Variants in CHODL observed in about 807,000 individuals in gnomAD.
The protein encoded by CHODL is chondrolectin.
CHODL carries 29 observed loss-of-function variants against 34.5 expected under a neutral mutation model. The observed-to-expected ratio is 0.84, with a 90% confidence interval of 0.63 to 1.15. CHODL has a LOEUF of 1.15. CHODL is among the 50% of genes most tolerant of loss of function. CHODL has a pLI of 0.00. For missense variants in CHODL, 332 were observed against 332.5 expected, an observed-to-expected ratio of 1.00 and a Z score of 0.01; for synonymous variants, 125 against 116.1, an observed-to-expected ratio of 1.08 and a Z score of -0.49.
At chr21:18,005,295 A>G (rs568664639) in intron 1 of CHODL, among the ~76,000 whole-genome samples, 1 of 152,376 alleles carries the variant, frequency 6.6e-6, no homozygotes, top group African/African-American at 2.4e-5. Flanking sequence ...TAAGGCTGTT[A>G]CAACTATTAA....
chr21:18,167,227 GTGT>G (rs2073167733), intron 2 of CHODL, among the ~76,000 whole-genome samples: 3 of 149,812 alleles, frequency 2.0e-5, no homozygotes, highest in African/African-American at 7.4e-5. Context: ...GTGTGTGTGT[GTGT>G]GTGTGTGTGT....
At position 17,975,278 on chromosome 21, in the gene CHODL, A is replaced by C. The variant is rs369634508; in HGVS notation, c.-144-52594A>C. Among the ~76,000 whole-genome samples, 43 of 152,266 alleles carry C rather than the reference A, an allele frequency of 2.8e-4. 1 individual carries two copies. The highest frequency in any genetic ancestry group is 9.9e-4 in the African/African-American group (41 of 41,556). ...AGCTAAACACTGAGTACATATGGAC[A>C]CGTGTACTTGAGAGTGAAGGGCGGG... On this transcript the variant is annotated intron_variant, in intron 1 of 6. Coordinates refer to the CHODL transcript ENST00000400127.
At chr21:18,244,267 A>G (rs2074109651), upstream of CHODL, among the ~76,000 whole-genome samples, 1 of 152,220 alleles carries the variant, frequency 6.6e-6, no homozygotes, top group South Asian at 2.1e-4. Flanking sequence ...ACTGAGAGTG[A>G]AATCAGTTTC....
chr21:18,193,605 A>T (rs1340019926), intron 2 of CHODL, among the ~76,000 whole-genome samples: 2 of 151,584 alleles, frequency 1.3e-5, no homozygotes, highest in African/African-American at 4.8e-5. Context: ...CTGAGGCAGG[A>T]GATTTGTTTG....
intron 2 of CHODL, among the ~76,000 whole-genome samples, chr21:18,178,806 G>A (rs1415105973): frequency 1.3e-5 from 2 of 152,124 alleles, no homozygotes; most frequent in Non-Finnish European, 1.5e-5. Context: ...AATGGCCTGT[G>A]CAGTTCAAAT....
intron 5 of CHODL, among the ~76,000 whole-genome samples, chr21:18,264,554 A>T (rs1243693501): frequency 1.3e-5 from 2 of 148,850 alleles, no homozygotes; most frequent in African/African-American, 5.0e-5. Context: ...GTGAGCCGAG[A>T]TCAGGCCACT....
intron 2 of CHODL, among the ~76,000 whole-genome samples, chr21:18,107,199 A>G (rs2065284069): frequency 6.6e-6 from 1 of 152,168 alleles, no homozygotes; most frequent in Non-Finnish European, 1.5e-5. Context: ...GAAGTTTGAG[A>G]ATGATAATGA....
At chr21:18,195,558 G>C (rs1453009536) in intron 2 of CHODL, among the ~76,000 whole-genome samples, 2 of 152,124 alleles carry the variant, frequency 1.3e-5, no homozygotes, top group Non-Finnish European at 2.9e-5. Context: ...GGATCATGTG[G>C]TATTTGTCTT....
chr21:18,166,393 C>T (rs2073153963), intron 2 of CHODL, among the ~76,000 whole-genome samples: 1 of 152,062 alleles, frequency 6.6e-6, no homozygotes, highest in African/African-American at 2.4e-5. Context: ...ATACAAAATC[C>T]CTTTTGCCAT....
intron 2 of CHODL, among the ~76,000 whole-genome samples, chr21:18,234,238 G>T (rs954191149): frequency 6.6e-6 from 1 of 152,068 alleles, no homozygotes. Context: ...GATGTTTGCC[G>T]GATGAATGTA....
rs1352077622 is a variant in CHODL at position 18,167,207 on chromosome 21, CTCTCTG to C, written c.-44-89300_-44-89295del. 3.7e-4 allele frequency among the ~76,000 whole-genome samples: 44 copies of C among 118,684 alleles called. 1 individual carries two copies. The highest frequency in any genetic ancestry group is 8.9e-3 in the Middle Eastern group (2 of 224). The allele number at this position is 118,684 out of a possible 152,430, so 77.9% of individuals were successfully genotyped here. ...GTTATTTCACCATTCCCATTTCTCT[CTCTCTG>C]TGTGTGTGTGTGTGTGTGTGTGTGT... On this transcript the variant is annotated intron_variant, in intron 2 of 6. Coordinates refer to the CHODL transcript ENST00000400127.
rs150184683 is a variant in CHODL at position 18,162,931 on chromosome 21, A to G, written c.-44-93578A>G. On this transcript the variant is annotated intron_variant, in intron 2 of 6. Coordinates refer to the CHODL transcript ENST00000400127. ...GCTGGGACTGCAGGTGTACACCAAC[A>G]TGCTCAGTTCCATTCATTCATTTTG... Among the ~76,000 whole-genome samples the G allele has an allele frequency of 5.8e-4, 89 of 152,296 alleles. 1 individual carries two copies. In the East Asian group the frequency reaches 0.016, roughly 27 times the overall value.
intron 1 of CHODL, among the ~76,000 whole-genome samples, chr21:17,940,214 A>G (rs533115487): frequency 7.2e-5 from 11 of 152,344 alleles, no homozygotes; most frequent in Admixed American, 5.2e-4. Context: ...ACTGCAGCTC[A>G]TATCTATATT....
chr21:18,237,700 G>A (rs1460119292), intron 2 of CHODL, among the ~76,000 whole-genome samples: 1 of 152,056 alleles, frequency 6.6e-6, no homozygotes, highest in Non-Finnish European at 1.5e-5. Flanking sequence ...ATTCAGTTTT[G>A]GATAAATATT....
intron 1 of CHODL, among the ~76,000 whole-genome samples, chr21:17,924,422 C>T (rs974142949): frequency 1.3e-5 from 2 of 152,080 alleles, no homozygotes; most frequent in Non-Finnish European, 2.9e-5. Context: ...CCTTGGAGAC[C>T]GGAGAGAAAT....
intron 1 of CHODL, chr21:18,022,341 T>C (rs1421893832): frequency 6.6e-6 from 1 of 152,224 alleles, no homozygotes; most frequent in African/African-American, 2.4e-5. Flanking sequence ...TTCTGTCTCA[T>C]ATTTTCTTGT....
chr21:18,145,350 T>G (rs1229410919), intron 2 of CHODL, among the ~76,000 whole-genome samples: 1 of 131,890 alleles, frequency 7.6e-6, no homozygotes, highest in African/African-American at 3.0e-5. Context: ...GGCAGGAGAA[T>G]GGCGTGAACC....
chr21:18,236,821 CAGAT>C lies in CHODL; in HGVS notation c.-44-19682_-44-19679del, dbSNP rs1310142102. ...CTCAATGAAAATGTGCTTTTATTAA[CAGAT>C]AGATAAAATTTTATTTTGTGTTGTA... On this transcript the variant is annotated intron_variant, in intron 2 of 6. Transcript: ENST00000400127. 2.6e-5 allele frequency among the ~76,000 whole-genome samples: 4 copies of C among 152,118 alleles called. No individual in the cohort carries two copies. In the East Asian group the frequency reaches 7.7e-4, roughly 29 times the overall value.
At chr21:18,148,032 C>T (rs2072917590) in intron 2 of CHODL, among the ~76,000 whole-genome samples, 1 of 151,938 alleles carries the variant, frequency 6.6e-6, no homozygotes, top group African/African-American at 2.4e-5. Flanking sequence ...GGGAGAAGTC[C>T]ACATAAGGAA....
Sources: gnomAD v4.1 joint callset for allele counts (sites outside exome capture counted in the v4.1 genomes callset) on GRCh38, gnomAD v4.1.1 for gene constraint, MANE v1.5 for transcripts, NCBI Gene and HGNC (gene_info 2026-07-23, HGNC 2026-07-21) for gene names.